The following NRXN3 variants were observed in gnomAD, a reference collection of about 807,000 sequenced individuals.
The protein encoded by NRXN3 is neurexin III.
NRXN3 carries 32 observed loss-of-function variants against 137.6 expected under a neutral mutation model. That is an observed-to-expected ratio of 0.23 (90% CI 0.18 to 0.31). NRXN3 has a LOEUF of 0.31. Ranked by LOEUF, NRXN3 falls within the 10% of genes least tolerant of loss-of-function variation. The pLI is 1.00. For synonymous variants in NRXN3, 798 were observed against 784.5 expected (o/e 1.02, Z -0.29); for missense variants, 1,574 against 2,062.5 (o/e 0.76, Z 4.59).
chr14:78,436,721 A>G (rs1405069364), intron 4 of NRXN3, among the ~76,000 whole-genome samples: 1 of 152,246 alleles, frequency 6.6e-6, no homozygotes, highest in Non-Finnish European at 1.5e-5. Flanking sequence ...GTATTGGACA[A>G]CACAGTTAGT....
In NRXN3 at chr14:79,209,940, G is replaced by T. The variant is rs1484206177; in HGVS notation, c.3262+221799G>T. Among the ~76,000 whole-genome samples, 3 of 152,206 alleles carry T rather than the reference G, an allele frequency of 2.0e-5. No individual in the cohort carries two copies. The South Asian group carries it at 6.2e-4, about 31-fold the overall frequency. On this transcript the variant is annotated intron_variant, in intron 15 of 20. Transcript: ENST00000335750. ...TAACTCTAAGGTACTCAACCTTGTA[G>T]ATGAAGATAAGTGAGGAAGAACCAG... is the stretch of plus-strand genomic sequence containing the variant.
In NRXN3 at chr14:78,651,295, T is replaced by C; in HGVS notation, c.1190T>C (p.Val397Ala). ...PSTADLPGSPVSNNFMGCLKE... is the reference protein window; with the variant it reads ...PSTADLPGSPASNNFMGCLKE... ...ACCGCTGACTTGCCTGGCTCCCCTG[T>C]CAGCAACAACTTCATGGGCTGCCTT... Residue 397 changes from valine (V) to alanine (A), a missense_variant, in exon 6 of 21, where the codon GTC becomes GCC. By Grantham distance (64) the Val-to-Ala change is moderately conservative. This residue lies in a region of NRXN3 where 400 missense variants were observed against 527.3 expected (regional missense o/e 0.76). Coordinates refer to ENST00000335750, the MANE Select transcript of NRXN3 (RefSeq NM_001330195.2). 6.2e-7 allele frequency: 1 copy of C among 1,614,074 alleles called. No homozygotes were observed. Among genetic ancestry groups the C allele is most frequent in the Non-Finnish European group, 8.5e-7 (1 of 1,179,946 alleles).
At chr14:78,854,257 G>A (rs1450412057) in intron 10 of NRXN3, among the ~76,000 whole-genome samples, 2 of 152,186 alleles carry the variant, frequency 1.3e-5, no homozygotes, top group African/African-American at 4.8e-5. Flanking sequence ...CTTCGGCCTT[G>A]CCAAACATGA....
chr14:79,329,541 C>T (rs1011009670), intron 15 of NRXN3, among the ~76,000 whole-genome samples: 7 of 152,164 alleles, frequency 4.6e-5, no homozygotes, highest in East Asian at 3.9e-4. Flanking sequence ...CCATGAAGTG[C>T]GGCTATAAAT....
intron 15 of NRXN3, among the ~76,000 whole-genome samples, chr14:79,451,535 A>G (rs1403580134): frequency 6.6e-6 from 1 of 152,226 alleles, no homozygotes. Flanking sequence ...GGTTGTTACC[A>G]GTAAGAGGAT....
At chr14:79,460,587 T>A (rs2096321673) in intron 15 of NRXN3, among the ~76,000 whole-genome samples, 1 of 152,144 alleles carries the variant, frequency 6.6e-6, no homozygotes, top group African/African-American at 2.4e-5. Context: ...GTCTTTGAGT[T>A]GAAGCCTTGT....
chr14:79,815,763 C>T (rs2099249768), intron 20 of NRXN3, among the ~76,000 whole-genome samples: 1 of 152,148 alleles, frequency 6.6e-6, no homozygotes, highest in Non-Finnish European at 1.5e-5. Context: ...ACCAATATGA[C>T]AGCCCTAAAC....
chr14:79,249,282 C>T (rs907305137), intron 15 of NRXN3, among the ~76,000 whole-genome samples: 2 of 152,066 alleles, frequency 1.3e-5, no homozygotes, highest in African/African-American at 4.8e-5. Flanking sequence ...GTGTCTGGCA[C>T]ATGAATGTTC....
At chr14:78,940,702 G>C (rs1464504377) in intron 10 of NRXN3, among the ~76,000 whole-genome samples, 2 of 152,148 alleles carry the variant, frequency 1.3e-5, no homozygotes, top group African/African-American at 4.8e-5. Flanking sequence ...GTTTAGATGG[G>C]ATATTTTTCT....
chr14:78,989,407 G>A (rs1480031848), intron 15 of NRXN3, among the ~76,000 whole-genome samples: 1 of 151,940 alleles, frequency 6.6e-6, no homozygotes, highest in East Asian at 1.9e-4. Context: ...TTCTCTTAAG[G>A]TACACTGAGG....
rs57469863 is a variant in NRXN3, at chr14:78,234,994, T to TTATATATATA, written c.-703-7377_-703-7368dup. Among the ~76,000 whole-genome samples, 138 of 108,804 alleles carry TTATATATATA rather than the reference T, an allele frequency of 1.3e-3. 1 individual carries two copies. The highest frequency in any genetic ancestry group is 2.0e-3 in the East Asian group (8 of 3,938). The allele number at this position is 108,804 out of a possible 152,430, so 71.4% of individuals were successfully genotyped here. A position where few individuals can be genotyped will look rare whatever the true frequency, so the allele number is the denominator to read the frequency against. On this transcript the variant is annotated intron_variant, in intron 1 of 20. Coordinates refer to ENST00000335750, the MANE Select transcript of NRXN3 (RefSeq NM_001330195.2). The stretch of plus-strand genomic sequence containing the variant: ...GATTATCTGGCAGCCACAAATGCTT[T>TTATATATATA]TATATATATATATATATATATATAT...
intron 15 of NRXN3, among the ~76,000 whole-genome samples, chr14:79,323,112 C>A (rs2090308878): frequency 6.6e-6 from 1 of 152,214 alleles, no homozygotes; most frequent in South Asian, 2.1e-4. Context: ...TAGCTCACTG[C>A]AGCCTTGAAC....
intron 15 of NRXN3, among the ~76,000 whole-genome samples, chr14:79,322,732 G>C (rs570331802): frequency 9.7e-4 from 148 of 152,290 alleles, no homozygotes; most frequent in Non-Finnish European, 1.6e-3. Context: ...ATGCAAAGCA[G>C]GTCAGGGAAT....
intron 17 of NRXN3, among the ~76,000 whole-genome samples, chr14:79,678,201 C>G (rs547191552): frequency 6.6e-6 from 1 of 152,226 alleles, no homozygotes; most frequent in South Asian, 2.1e-4. Flanking sequence ...ATTAAAGGGA[C>G]CAAGAGTTTG....
At chr14:79,600,992 A>AG (rs2097915496) in intron 16 of NRXN3, among the ~76,000 whole-genome samples, 5 of 151,818 alleles carry the variant, frequency 3.3e-5, no homozygotes, top group African/African-American at 1.2e-4. Context: ...CTGTGTTCTT[A>AG]ACAATCTTCT....
At chr14:79,274,175 GA>G (rs2079893016) in intron 15 of NRXN3, among the ~76,000 whole-genome samples, 2 of 150,242 alleles carry the variant, frequency 1.3e-5, no homozygotes, top group South Asian at 2.1e-4. Context: ...ATCAGGATTT[GA>G]ACCTAGGCCG....
intron 4 of NRXN3, among the ~76,000 whole-genome samples, chr14:78,512,395 A>G (rs1599696822): frequency 6.6e-6 from 1 of 152,186 alleles, no homozygotes; most frequent in African/African-American, 2.4e-5. Context: ...TGTGAGCTCA[A>G]TCTGAAAGTT....
chr14:78,220,007 A>G (rs756138636), intron 1 of NRXN3, among the ~76,000 whole-genome samples: 8 of 152,198 alleles, frequency 5.3e-5, no homozygotes, highest in Non-Finnish European at 1.2e-4. Context: ...AGATAGCATC[A>G]GAACATAAGA....
intron 4 of NRXN3, among the ~76,000 whole-genome samples, chr14:78,395,852 C>A (rs1032269624): frequency 3.3e-5 from 5 of 151,812 alleles, no homozygotes; most frequent in Non-Finnish European, 7.4e-5. Flanking sequence ...TTTCTATCAT[C>A]TTATTTTCAT....
Sources: gnomAD v4.1 joint callset for allele counts (sites outside exome capture counted in the v4.1 genomes callset) on GRCh38, gnomAD v4.1.1 for gene constraint, gnomAD v4.1.1 regional missense constraint, MANE v1.5 for transcripts, NCBI Gene and HGNC (gene_info 2026-07-23, HGNC 2026-07-21) for gene names.